PAPOLG: variants seen among roughly 807,000 people sequenced by gnomAD.
The protein encoded by PAPOLG is poly(A) polymerase gamma, also known as PAP-gamma.
PAPOLG carries 40 observed loss-of-function variants against 99.0 expected under a neutral mutation model. That is an observed-to-expected ratio of 0.40 (90% CI 0.31 to 0.53). The LOEUF (loss-of-function observed/expected upper bound fraction) is 0.53. PAPOLG is among the 20% of genes least tolerant of loss of function. The probability of loss-of-function intolerance (pLI) is 0.41; values close to 1 mark genes in which losing one functional copy is unlikely to be tolerated. For missense variants in PAPOLG, 675 were observed against 884.1 expected (o/e 0.76, Z 3.00); for synonymous variants, 310 against 299.3 (o/e 1.04, Z -0.37).
intron 5 of PAPOLG, 131 bp downstream of exon 5, chr2:60,769,021 A>T: frequency 1.4e-6 from 1 of 695,170 alleles, no homozygotes; most frequent in African/African-American, 1.8e-5. Flanking sequence ...TAGCTTTAAT[A>T]AGTGATGATT....
At chr2:60,769,986 T>C (rs564367462) in intron 5 of PAPOLG, among the ~76,000 whole-genome samples, 32 of 151,730 alleles carry the variant, frequency 2.1e-4, no homozygotes, top group Non-Finnish European at 1.5e-5. Context: ...GTTCTCATTG[T>C]TCAACTCTTA....
chr2:60,794,577 T>A (rs1220686466), intron 19 of PAPOLG, 133 bp from the exon 20 acceptor site: 1 of 739,534 alleles, frequency 1.4e-6, no homozygotes, highest in African/African-American at 1.8e-5. Flanking sequence ...ATTTAAATTA[T>A]CTTCTCTTAC....
At chr2:60,773,172 A>C (rs569002368) in intron 7 of PAPOLG, among the ~76,000 whole-genome samples, 9 of 152,198 alleles carry the variant, frequency 5.9e-5, no homozygotes, top group African/African-American at 2.2e-4. Context: ...GGTGATGCCA[A>C]CCTCAGCCTC....
intron 13 of PAPOLG, among the ~76,000 whole-genome samples, chr2:60,783,590 A>C (rs1671267168): frequency 7.2e-6 from 1 of 138,296 alleles, no homozygotes; most frequent in Non-Finnish European, 1.5e-5. Context: ...AGCTCACTGC[A>C]ACCTCCGCCT....
Position 60,801,023 on chromosome 2 carries a change from G to C in PAPOLG, c.*3863G>C, listed in dbSNP as rs1202983688. ...ATCTCAGATTTACAGATGGCCTCAT[G>C]ATAACTTAGATTCGTTAACAGGGTC... On this transcript the variant is annotated 3_prime_UTR_variant, in exon 22 of 22. Transcript: ENST00000238714. 2 of 152,276 alleles carry C rather than the reference G, an allele frequency of 1.3e-5. No individual in the cohort carries two copies. Among genetic ancestry groups the C allele is most frequent in the South Asian group, 2.1e-4 (1 of 4,824 alleles). 9.4% of individuals were successfully genotyped at this position (152,276 alleles called of 1,614,324 possible).
chr2:60,768,997 G>T, intron 5 of PAPOLG, 107 bp downstream of exon 5: 2 of 823,054 alleles, frequency 2.4e-6, no homozygotes, highest in Non-Finnish European at 3.7e-6. Context: ...CTATTAGGAG[G>T]TATTTAATAA....
At chr2:60,761,622 A>C (rs1558674569) in intron 2 of PAPOLG, 119 bp from the exon 3 acceptor site, 1 of 787,994 alleles carries the variant, frequency 1.3e-6, no homozygotes, top group Non-Finnish European at 2.1e-6. Context: ...TAGCATTATC[A>C]CATATATGTT....
chr2:60,757,736 T>G (rs933096880), intron 1 of PAPOLG, among the ~76,000 whole-genome samples: 4 of 152,232 alleles, frequency 2.6e-5, no homozygotes, highest in African/African-American at 9.6e-5. Context: ...GAACGTTCTT[T>G]TAGGTGTCTC....
At chr2:60,783,236 C>T in intron 13 of PAPOLG, 27 bp downstream of exon 13, 1 of 1,443,604 alleles carries the variant, frequency 6.9e-7, no homozygotes, top group Non-Finnish European at 9.5e-7. Flanking sequence ...AAGTTTTCTA[C>T]CTACTGTGTG....
At chr2:60,763,647 G>T (rs1325767408) in intron 3 of PAPOLG, among the ~76,000 whole-genome samples, 13 of 152,084 alleles carry the variant, frequency 8.5e-5, no homozygotes, top group Non-Finnish European at 2.9e-5. Context: ...GGGGCTACAG[G>T]TGCACACCAC....
intron 15 of PAPOLG, among the ~76,000 whole-genome samples, chr2:60,788,099 G>T (rs1378435765): frequency 6.6e-6 from 1 of 151,824 alleles, no homozygotes; most frequent in African/African-American, 2.4e-5. Flanking sequence ...TATATTAAGT[G>T]GGGGGTAAAA....
At chr2:60,783,734 G>C (rs529896646) in intron 13 of PAPOLG, among the ~76,000 whole-genome samples, 1 of 151,756 alleles carries the variant, frequency 6.6e-6, no homozygotes, top group Non-Finnish European at 1.5e-5. Context: ...GGCTGGTCTC[G>C]AACTCCTGAC....
chr2:60,786,064 A>C lies in PAPOLG; in HGVS notation c.1167-883A>C, dbSNP rs563822093. Reference sequence around the variant, plus strand: ...CAATGGCGTTTTAAATGGGGTTCCTAATATATTGGGCTGAAATTTTTAAAT... The same window carrying C: ...CAATGGCGTTTTAAATGGGGTTCCTCATATATTGGGCTGAAATTTTTAAAT... On this transcript the variant is annotated intron_variant, in intron 13 of 21. Transcript: ENST00000238714. Among the ~76,000 whole-genome samples the C allele has an allele frequency of 9.2e-4, 140 of 152,314 alleles. 1 individual carries two copies. Among genetic ancestry groups the C allele is most frequent in the Middle Eastern group, 3.4e-3 (1 of 294 alleles).
At position 60,787,506 on chromosome 2, in the gene PAPOLG, T is replaced by C. The variant is rs1671400075; in HGVS notation, c.1287-5T>C. 6.2e-7 allele frequency: 1 copy of C among 1,604,656 alleles called. No individual in the cohort carries two copies. Among genetic ancestry groups the C allele is most frequent in the Non-Finnish European group, 8.5e-7 (1 of 1,177,392 alleles). The stretch of plus-strand genomic sequence containing the variant: ...TAATGGAAATTCTTAAATTTTACTT[T>C]ATAGCAACAATTACGTATCAATGTG... On this transcript the variant is annotated splice_polypyrimidine_tract_variant and splice_region_variant and intron_variant, in intron 14 of 21. Transcript: ENST00000238714.
At chr2:60,782,127 C>G in intron 11 of PAPOLG, 122 bp downstream of exon 11, 3 of 1,055,896 alleles carry the variant, frequency 2.8e-6, no homozygotes, top group South Asian at 3.5e-5. Flanking sequence ...AAAATTCTTT[C>G]AAGTATGGTT....
chr2:60,783,210 G>A lies in PAPOLG; in HGVS notation c.1166+1G>A. The A allele has an allele frequency of 6.4e-7, 1 of 1,558,766 alleles. No individual in the cohort carries two copies. Among genetic ancestry groups the A allele is most frequent in the Non-Finnish European group, 8.7e-7 (1 of 1,146,932 alleles). The stretch of plus-strand genomic sequence containing the variant: ...CAACAGAAGAAAACCATCTAGAGTG[G>A]TAAGACTTCTATTTCAAGTTTTCTA... On this transcript the variant is annotated splice_donor_variant, in intron 13 of 21. Transcript: ENST00000238714. LOFTEE classifies it high-confidence loss of function.
chr2:60,772,670 C>A (rs943476789), intron 7 of PAPOLG, among the ~76,000 whole-genome samples: 1 of 151,968 alleles, frequency 6.6e-6, no homozygotes, highest in African/African-American at 2.4e-5. Flanking sequence ...ATCACTTGAA[C>A]CCAGAAGGCG....
intron 7 of PAPOLG, among the ~76,000 whole-genome samples, chr2:60,774,406 C>T (rs550826824): frequency 6.6e-6 from 1 of 150,606 alleles, no homozygotes; most frequent in Admixed American, 6.6e-5. Context: ...CACTCTATTG[C>T]CCAGGCTGGA....
At position 60,800,258 on chromosome 2, in the gene PAPOLG, T is replaced by A. The variant is rs1305536964; in HGVS notation, c.*3098T>A. The A allele has an allele frequency of 6.6e-6, 1 of 152,252 alleles. No homozygotes were observed. The highest frequency in any genetic ancestry group is 1.5e-5 in the Non-Finnish European group (1 of 68,082). The allele number at this position is 152,252 out of a possible 1,614,324, so 9.4% of individuals were successfully genotyped here. A position where few individuals can be genotyped will look rare whatever the true frequency, so the allele number is the denominator to read the frequency against. On this transcript the variant is annotated 3_prime_UTR_variant, in exon 22 of 22. Coordinates refer to ENST00000238714, the MANE Select transcript of PAPOLG (RefSeq NM_022894.4). ...TGGAGCACAGTGGCATGATCTCACC[T>A]CACTGCAACCTCTGCCTCCCGGGTT...
Sources: gnomAD v4.1 joint callset for allele counts (sites outside exome capture counted in the v4.1 genomes callset) on GRCh38, gnomAD v4.1.1 for gene constraint, MANE v1.5 for transcripts, NCBI Gene and HGNC (gene_info 2026-07-23, HGNC 2026-07-21) for gene names.